The following ADGRD1 variants were observed in gnomAD, a reference collection of about 807,000 sequenced individuals.
ADGRD1 encodes the protein adhesion G protein-coupled receptor D1.
In ADGRD1, 77 loss-of-function variants were observed where a neutral mutation model predicts 113.4. The observed-to-expected ratio is 0.68, with a 90% CI of 0.57 to 0.82. The LOEUF is 0.82. ADGRD1 is among the 40% of genes least tolerant of loss of function. The pLI is 0.00. For synonymous variants in ADGRD1, 474 were observed against 475.0 expected (o/e 1.00, Z 0.03); for missense variants, 1,036 against 1,139.1 (o/e 0.91, Z 1.30).
chr12:131,017,487 A>G (rs111068612), intron 13 of ADGRD1, among the ~76,000 whole-genome samples: 2,068 of 114,946 alleles, frequency 0.018, 134 homozygotes, highest in African/African-American at 0.068. Context: ...TCCACACACA[A>G]TCAGTCCACA....
At chr12:130,996,848 T>A (rs1260288125) in intron 8 of ADGRD1, among the ~76,000 whole-genome samples, 9 of 83,962 alleles carry the variant, frequency 1.1e-4, no homozygotes, top group African/African-American at 2.9e-4. Flanking sequence ...CCCCCCCACC[T>A]CCCTCCCGGA....
chr12:130,996,090 G>T (rs1000083750), intron 8 of ADGRD1, among the ~76,000 whole-genome samples: 6 of 152,164 alleles, frequency 3.9e-5, no homozygotes, highest in Admixed American at 1.3e-4. Flanking sequence ...GCACAGGTTT[G>T]GGGGTAAGGT....
At chr12:130,996,499 C>T (rs1157263126) in intron 8 of ADGRD1, among the ~76,000 whole-genome samples, 2 of 122,390 alleles carry the variant, frequency 1.6e-5, no homozygotes, top group Non-Finnish European at 1.8e-5. Context: ...GCGCCCCTCA[C>T]CTCCTGGACG....
At chr12:131,052,392 C>T (rs910187124) in intron 13 of ADGRD1, among the ~76,000 whole-genome samples, 2 of 152,204 alleles carry the variant, frequency 1.3e-5, no homozygotes, top group African/African-American at 4.8e-5. Context: ...CTCACCTGTT[C>T]CCGAACTCAG....
At position 131,075,172 on chromosome 12, in the gene ADGRD1, C is replaced by A. The variant is rs751926874; in HGVS notation, c.1474-1629C>A. On this transcript the variant is annotated intron_variant, in intron 13 of 24. Transcript: ENST00000261654. This position sits in a 1 kb window ranked among gnomAD's most constrained non-coding sequence, Gnocchi z 5.3. ...TTTCCTTTAAATTACTCAGGTAACA[C>A]ACAAATACGCCTCCTTGTTAAAAAA... 6.6e-6 allele frequency among the ~76,000 whole-genome samples: 1 copy of A among 152,234 alleles called. No individual in the cohort carries two copies. The highest frequency in any genetic ancestry group is 1.5e-5 in the Non-Finnish European group (1 of 68,048).
intron 13 of ADGRD1, among the ~76,000 whole-genome samples, chr12:131,076,488 G>T (rs1025394943): frequency 6.6e-6 from 1 of 152,016 alleles, no homozygotes; most frequent in South Asian, 2.1e-4. Flanking sequence ...TGGGGAGTGG[G>T]GAGGGAGCCT....
intron 13 of ADGRD1, among the ~76,000 whole-genome samples, chr12:131,043,320 G>T (rs993484251): frequency 6.6e-6 from 1 of 152,192 alleles, no homozygotes; most frequent in East Asian, 1.9e-4. Flanking sequence ...TGGAGGTCCT[G>T]TGAGTCCAGA....
intron 12 of ADGRD1, among the ~76,000 whole-genome samples, chr12:131,007,564 C>T (rs1023198855): frequency 1.3e-5 from 2 of 152,226 alleles, no homozygotes; most frequent in Non-Finnish European, 2.9e-5. Flanking sequence ...GCTGTCCTCA[C>T]GGACCCAGGT....
At chr12:130,980,697 C>A (rs984309587) in intron 4 of ADGRD1, 4 of 152,260 alleles carry the variant, frequency 2.6e-5, no homozygotes, top group Non-Finnish European at 4.4e-5. Context: ...CGCGCCCGGC[C>A]TGCAGTTCCT....
chr12:131,062,204 A>T (rs1884386482), intron 13 of ADGRD1, among the ~76,000 whole-genome samples: 1 of 152,134 alleles, frequency 6.6e-6, no homozygotes, highest in South Asian at 2.1e-4. Context: ...ACTGTTGGCC[A>T]GGCTGGTCTT....
Position 131,006,023 on chromosome 12 carries a change from A to G in ADGRD1, c.1307A>G (p.Asn436Ser). 6.2e-7 allele frequency: 1 copy of G among 1,610,794 alleles called. No homozygotes were observed. ...LLYHSMHYYL[N>S]NIWPAHTKIA... ...TACCACAGCATGCACTACTACCTGA[A>G]CAACATCTGGCCCGCCCACACCAAG... The change falls in exon 12 of 25, where the codon AAC (asparagine) becomes AGC (serine). Residue 436 changes from asparagine (N) to serine (S), a missense_variant. Transcript: ENST00000261654.
chr12:131,033,626 T>C (rs1881052412), intron 13 of ADGRD1, among the ~76,000 whole-genome samples: 1 of 152,100 alleles, frequency 6.6e-6, no homozygotes, highest in African/African-American at 2.4e-5. Context: ...CTGACAGGCC[T>C]GGGTCCCGGT....
rs1231286914 is a variant in ADGRD1, at chr12:131,108,767, T to C, written c.1931T>C (p.Leu644Pro). 6.2e-7 allele frequency: 1 copy of C among 1,614,024 alleles called. No homozygotes were observed. Among genetic ancestry groups the C allele is most frequent in the Admixed American group, 1.7e-5 (1 of 59,998 alleles). The change falls in exon 18 of 25, where the codon CTG (leucine) becomes CCG (proline). Residue 644 changes from leucine to proline, a missense_variant. Physicochemically the swap from Leu to Pro is moderately conservative, Grantham distance 98 (BLOSUM62 -3). Transcript: ENST00000261654. Reference protein sequence around the residue: ...VMAVLLHYFFLSAFAWMLVEG... With the variant: ...VMAVLLHYFFPSAFAWMLVEG... ...GCCGTGCTCCTACACTACTTCTTCC[T>C]GAGTGCCTTCGCATGGATGCTGGTG... is the stretch of plus-strand genomic sequence containing the variant.
At position 130,966,236 on chromosome 12, in the gene ADGRD1, T is replaced by C. The variant is rs1157418986; in HGVS notation, c.104-227T>C. 6.6e-6 allele frequency among the ~76,000 whole-genome samples: 1 copy of C among 152,200 alleles called. No individual in the cohort carries two copies. The highest frequency in any genetic ancestry group is 1.5e-5 in the Non-Finnish European group (1 of 68,036). The stretch of plus-strand genomic sequence containing the variant: ...ATGCAACAAGAGGCATCTATTCCTA[T>C]TTACCCTGTTTTGTCCAGTTAAGGA... On this transcript the variant is annotated intron_variant, in intron 2 of 24. Coordinates refer to ENST00000261654, the MANE Select transcript of ADGRD1 (RefSeq NM_198827.5). This position sits in a 1 kb window ranked among gnomAD's most constrained non-coding sequence, Gnocchi z 4.6.
At chr12:130,999,824 C>T (rs1034203434) in intron 8 of ADGRD1, among the ~76,000 whole-genome samples, 1 of 152,130 alleles carries the variant, frequency 6.6e-6, no homozygotes, top group Non-Finnish European at 1.5e-5. Context: ...AGAAAATTCA[C>T]GTTTTCATTT....
Position 130,982,076 on chromosome 12 carries a change from A to G in ADGRD1, c.490+13A>G. On this transcript the variant is annotated intron_variant, in intron 5 of 24. Coordinates refer to ENST00000261654, the MANE Select transcript of ADGRD1 (RefSeq NM_198827.5). Reference sequence around the variant, plus strand: ...TTCAGCCCCCCAGGTGAGTGACAGCATCGGTCCCGGGAGGCTCTGCCTGGA... The same window carrying G: ...TTCAGCCCCCCAGGTGAGTGACAGCGTCGGTCCCGGGAGGCTCTGCCTGGA... 3 of 1,610,500 alleles carry G rather than the reference A, an allele frequency of 1.9e-6. No homozygotes were observed. The highest frequency in any genetic ancestry group is 1.1e-5 in the South Asian group (1 of 90,868).
chr12:131,129,419 G>A (rs1195236286), intron 20 of ADGRD1, among the ~76,000 whole-genome samples: 6 of 119,786 alleles, frequency 5.0e-5, no homozygotes, highest in Non-Finnish European at 8.9e-5. Flanking sequence ...GGGTGTGAGT[G>A]ACAGGCCCGC....
intron 13 of ADGRD1, among the ~76,000 whole-genome samples, chr12:131,051,286 A>G (rs555308351): frequency 1.3e-5 from 2 of 152,332 alleles, no homozygotes; most frequent in African/African-American, 2.4e-5. Flanking sequence ...GACATCAACA[A>G]TAGCCAATGG....
At chr12:131,136,001 C>T in intron 21 of ADGRD1, 36 bp from the exon 22 acceptor site, 1 of 1,612,884 alleles carries the variant, frequency 6.2e-7, no homozygotes. Context: ...ACCTGCCCTC[C>T]TGCCACTCAG....
Sources: gnomAD v4.1 joint callset for allele counts (sites outside exome capture counted in the v4.1 genomes callset) on GRCh38, gnomAD v4.1.1 for gene constraint, Gnocchi (gnomAD v3.1) non-coding constraint, MANE v1.5 for transcripts, NCBI Gene and HGNC (gene_info 2026-07-23, HGNC 2026-07-21) for gene names.